The following PCGF1 variants were observed in gnomAD, a reference collection of about 807,000 sequenced individuals.
PCGF1 encodes the protein polycomb group RING finger protein 1.
In PCGF1, 10 loss-of-function variants were observed where a neutral mutation model predicts 38.8. The ratio of observed to expected loss-of-function variants is 0.26; its 90% CI spans 0.16 to 0.44. The LOEUF (loss-of-function observed/expected upper bound fraction) is 0.44, where lower values mean the gene tolerates loss of function less well. Ranked by LOEUF, PCGF1 falls within the 20% of genes least tolerant of loss-of-function variation. PCGF1 has a pLI of 1.00. For missense variants in PCGF1, 230 were observed against 331.5 expected (o/e 0.69, Z 2.38); for synonymous variants, 119 against 121.3 (o/e 0.98, Z 0.12).
chr2:74,506,303 C>CGCGGTG, intron 3 of PCGF1, 51 bp from the exon 4 acceptor site: 1 of 1,568,702 alleles, frequency 6.4e-7, no homozygotes, highest in Non-Finnish European at 8.8e-7. Flanking sequence ...CGGGGCCGGG[C>CGCGGTG]GCGGTGGCTC....
chr2:74,505,758 G>C lies in PCGF1; in HGVS notation c.543C>G (p.Asp181Glu), dbSNP rs1479822436. 1.2e-6 allele frequency: 2 copies of C among 1,614,096 alleles called. No individual in the cohort carries two copies. The highest frequency in any genetic ancestry group is 1.7e-6 in the Non-Finnish European group (2 of 1,180,012). The change falls in exon 6 of 9, where the codon GAC (aspartate) becomes GAG (glutamate). Residue 181 changes from aspartate (D) to glutamate (E), a missense_variant. Coordinates refer to ENST00000233630, the MANE Select transcript of PCGF1 (RefSeq NM_032673.3). Reference sequence around the variant, plus strand: ...TCACCTGCAGGACGCTTTTATTCTTGTCTTTGCCAGAACTGGGGGGAAATA... The same window carrying C: ...TCACCTGCAGGACGCTTTTATTCTTCTCTTTGCCAGAACTGGGGGGAAATA... ...LCLERLSSGK[D>E]KNKSVLQNKY... is the part of the protein sequence containing the mutation.
chr2:74,507,178 C>T, intron 1 of PCGF1, 31 bp from the exon 2 acceptor site: 2 of 1,602,302 alleles, frequency 1.2e-6, no homozygotes. Context: ...ACCAATCATC[C>T]ACCCTCAAAC....
Position 74,506,646 on chromosome 2 carries a change from C to T in PCGF1, c.352+86G>A, listed in dbSNP as rs2240442. On this transcript the variant is annotated intron_variant, in intron 3 of 8. Transcript: ENST00000233630. Reference sequence around the variant, plus strand: ...TCCCTCATCTTTGGCCTTCTGCCTACGTGAGTCCTACCAAACCCGTCACCT... The same window carrying T: ...TCCCTCATCTTTGGCCTTCTGCCTATGTGAGTCCTACCAAACCCGTCACCT... 16,941 of 1,457,938 alleles carry T rather than the reference C, an allele frequency of 0.012. 1,531 individuals are homozygous for T. The East Asian group carries it at 0.24, about 20-fold the overall frequency. 90.3% of individuals were successfully genotyped at this position (1,457,938 alleles called of 1,614,324 possible). A position where few individuals can be genotyped will look rare whatever the true frequency, so the allele number is the denominator to read the frequency against.
Position 74,506,165 on chromosome 2 carries a change from G to C in PCGF1, c.424+16C>G. 1 of 1,613,988 alleles carries C rather than the reference G, an allele frequency of 6.2e-7. No individual in the cohort carries two copies. The highest frequency in any genetic ancestry group is 1.7e-4 in the Middle Eastern group (1 of 6,058). ...AATGCTCTGGGGTCTTTACTGTCCCGCGGCCAAGGACATACCTTCCCCAGT... is the reference window on the plus strand; with the variant it reads ...AATGCTCTGGGGTCTTTACTGTCCCCCGGCCAAGGACATACCTTCCCCAGT... On this transcript the variant is annotated intron_variant, in intron 4 of 8. Coordinates refer to ENST00000233630, the MANE Select transcript of PCGF1 (RefSeq NM_032673.3).
intron 8 of PCGF1, 68 bp downstream of exon 8, chr2:74,505,271 T>G: frequency 6.3e-7 from 1 of 1,574,844 alleles, no homozygotes. Flanking sequence ...ACCCTTCCCC[T>G]GAGGACTGTA....
At chr2:74,507,169 CCAAT>C (rs757946627) in intron 1 of PCGF1, 22 bp from the exon 2 acceptor site, 29 of 1,608,178 alleles carry the variant, frequency 1.8e-5, no homozygotes, top group Non-Finnish European at 2.4e-5. Flanking sequence ...CCCTCCGTCA[CCAAT>C]CATCCACCCT....
rs1674671933 is a variant in PCGF1, at chr2:74,507,558, A to C, written c.93+18T>G. 3.2e-6 allele frequency: 5 copies of C among 1,572,850 alleles called. No individual in the cohort carries two copies. The highest frequency in any genetic ancestry group is 1.4e-5 in the African/African-American group (1 of 73,672). On this transcript the variant is annotated intron_variant, in intron 1 of 8. Coordinates refer to ENST00000233630, the MANE Select transcript of PCGF1 (RefSeq NM_032673.3). ...GCACCGCTGGCCGACCACAGCAGTA[A>C]CCCTGCCGCCCTTGCACCTCGTTCC...
At chr2:74,507,432 A>C (rs1674666575) in intron 1 of PCGF1, 144 bp downstream of exon 1, 2 of 1,465,060 alleles carry the variant, frequency 1.4e-6, no homozygotes, top group South Asian at 1.4e-5. Flanking sequence ...GGAGTTTGGC[A>C]ACCCGATCGC....
Position 74,506,881 on chromosome 2 carries a change from C to T in PCGF1, c.203G>A (p.Cys68Tyr). 6.2e-7 allele frequency: 1 copy of T among 1,614,190 alleles called. No homozygotes were observed. The highest frequency in any genetic ancestry group is 8.5e-7 in the Non-Finnish European group (1 of 1,180,030). The change falls in exon 3 of 9, where the codon TGC (cysteine) becomes TAC (tyrosine). Residue 68 changes from cysteine (C) to tyrosine (Y), a missense_variant. This residue lies in a region of PCGF1 where 40 missense variants were observed against 113.2 expected (regional missense o/e 0.35). Transcript: ENST00000233630. ...TTITECLHTFCKSCIVKYLQT... is the reference protein window; with the variant it reads ...TTITECLHTFYKSCIVKYLQT... The stretch of plus-strand genomic sequence containing the variant: ...GAGGTACTTCACAATACAACTCTTG[C>T]AGACTGCAGGAAAAGAAAAGCAGAT...
chr2:74,507,517 T>C, intron 1 of PCGF1, 59 bp downstream of exon 1: 2 of 1,543,308 alleles, frequency 1.3e-6, no homozygotes, highest in Admixed American at 2.0e-5. Context: ...GCCCGTCCTT[T>C]AGCCCGCCCC....
Position 74,507,150 on chromosome 2 carries a change from G to T in PCGF1, c.94-3C>A. 1 of 1,613,328 alleles carries T rather than the reference G, an allele frequency of 6.2e-7. No homozygotes were observed. Among genetic ancestry groups the T allele is most frequent in the South Asian group, 1.1e-5 (1 of 91,020 alleles). On this transcript the variant is annotated splice_polypyrimidine_tract_variant and splice_region_variant and intron_variant, in intron 1 of 8. Transcript: ENST00000233630. ...TTGATCTTCACTCGAACCTCCTCCT[G>T]AAGATACACCCTCCGTCACCAATCA...
chr2:74,505,372 C>A lies in PCGF1; in HGVS notation c.699G>T (p.Met233Ile). Residue 233 changes from methionine (M) to isoleucine (I), a missense_variant, in exon 8 of 9, where the codon ATG becomes ATT. This residue lies in a region of PCGF1 where 144 missense variants were observed against 182.4 expected (regional missense o/e 0.79). Transcript: ENST00000233630. Reference sequence around the variant, plus strand: ...ACCAGCGGGAGAGCCATATCTGCTTCATTGTCATGTGATCAGGGAGAACTT... The same window carrying A: ...ACCAGCGGGAGAGCCATATCTGCTTAATTGTCATGTGATCAGGGAGAACTT... ...DNEVLPDHMTMKQIWLSRWFG... is the reference protein window; with the variant it reads ...DNEVLPDHMTIKQIWLSRWFG... 1 of 1,610,800 alleles carries A rather than the reference C, an allele frequency of 6.2e-7. No individual in the cohort carries two copies. Among genetic ancestry groups the A allele is most frequent in the East Asian group, 2.2e-5 (1 of 44,802 alleles).
At position 74,505,785 on chromosome 2, in the gene PCGF1, A is replaced by C; in HGVS notation, c.531-15T>G. 1 of 1,614,092 alleles carries C rather than the reference A, an allele frequency of 6.2e-7. No homozygotes were observed. Among genetic ancestry groups the C allele is most frequent in the Non-Finnish European group, 8.5e-7 (1 of 1,179,992 alleles). ...CTTTGCCAGAACTGGGGGGAAATAG[A>C]CACAGGTTAGGGAATCCTATCTTTC... On this transcript the variant is annotated splice_polypyrimidine_tract_variant and intron_variant, in intron 5 of 8. Transcript: ENST00000233630.
intron 1 of PCGF1, 96 bp from the exon 2 acceptor site, chr2:74,507,243 G>A: frequency 2.7e-6 from 4 of 1,494,262 alleles, no homozygotes; most frequent in South Asian, 1.2e-5. Flanking sequence ...ACACTAGACG[G>A]CCAAGCCCCG....
In PCGF1 at chr2:74,507,353, C is replaced by T. The variant is rs912601862; in HGVS notation, c.94-206G>A. Reference sequence around the variant, plus strand: ...ACAGCGGGGGCTTCCCTCACGTGGACTCGCCTGACCCTCCTTTCCCAGGGG... The same window carrying T: ...ACAGCGGGGGCTTCCCTCACGTGGATTCGCCTGACCCTCCTTTCCCAGGGG... On this transcript the variant is annotated intron_variant, in intron 1 of 8. Transcript: ENST00000233630. 247 of 1,450,108 alleles carry T rather than the reference C, an allele frequency of 1.7e-4. 1 individual carries two copies. Among genetic ancestry groups the T allele is most frequent in the Non-Finnish European group, 1.7e-4 (189 of 1,106,634 alleles). The allele number at this position is 1,450,108 out of a possible 1,614,324, so 89.8% of individuals were successfully genotyped here. A position where few individuals can be genotyped will look rare whatever the true frequency, so the allele number is the denominator to read the frequency against.
intron 1 of PCGF1, 29 bp from the exon 2 acceptor site, chr2:74,507,176 T>A: frequency 6.2e-7 from 1 of 1,605,556 alleles, no homozygotes; most frequent in African/African-American, 1.3e-5. Context: ...TCACCAATCA[T>A]CCACCCTCAA....
At position 74,505,568 on chromosome 2, in the gene PCGF1, A is replaced by C. The variant is rs746662646; in HGVS notation, c.635T>G (p.Met212Arg). The change falls in exon 7 of 9, where the codon ATG (methionine) becomes AGG (arginine). Residue 212 changes from methionine (M) to arginine (R), a missense_variant. By Grantham distance (91) the Met-to-Arg change is moderately conservative (BLOSUM62 -1). Around this residue, in one of 3 missense-constraint regions of PCGF1, gnomAD observed 144 missense variants for 182.4 expected, o/e 0.79. Transcript: ENST00000233630. ...ACTACTCACATGCTGAGGGTTTAGC[A>C]TCAAGCGGTGACACAGGACCCTCCG... ...HLRRVLCHRL[M>R]LNPQHVQLLF... 6.2e-7 allele frequency: 1 copy of C among 1,614,168 alleles called. No individual in the cohort carries two copies.
At chr2:74,507,329 C>G (rs377197816) in intron 1 of PCGF1, 182 bp from the exon 2 acceptor site, 102 of 1,456,024 alleles carry the variant, frequency 7.0e-5, no homozygotes, top group South Asian at 6.1e-4. Context: ...GCTCCGCGCA[C>G]AGCGGGGGCT....
chr2:74,507,346 A>C (rs945995595), intron 1 of PCGF1, 199 bp from the exon 2 acceptor site: 1 of 1,452,772 alleles, frequency 6.9e-7, no homozygotes. Context: ...GGCTTCCCTC[A>C]CGTGGACTCG....
Sources: gnomAD v4.1 joint callset for allele counts on GRCh38, gnomAD v4.1.1 for gene constraint, gnomAD v4.1.1 regional missense constraint, MANE v1.5 for transcripts, NCBI Gene and HGNC (gene_info 2026-07-23, HGNC 2026-07-21) for gene names.